The following STXBP4 variants were observed in gnomAD, a reference collection of about 807,000 sequenced individuals.
The protein encoded by STXBP4 is syntaxin binding protein 4.
A neutral mutation model predicts 76.1 loss-of-function variants in STXBP4; 55 were observed. The ratio of observed to expected loss-of-function variants is 0.72; its 90% CI spans 0.58 to 0.91. The LOEUF (loss-of-function observed/expected upper bound fraction) is 0.91, where lower values mean the gene tolerates loss of function less well. STXBP4 is among the 40% of genes least tolerant of loss of function. STXBP4 has a pLI of 0.00. For missense variants in STXBP4, 618 were observed against 636.9 expected (o/e 0.97, Z 0.32); for synonymous variants, 201 against 220.2 (o/e 0.91, Z 0.77).
chr17:54,993,684 A>G (rs1288832654), intron 4 of STXBP4, among the ~76,000 whole-genome samples: 2 of 152,238 alleles, frequency 1.3e-5, no homozygotes, highest in Admixed American at 6.5e-5. Flanking sequence ...ATTTCTACAT[A>G]GTAGAATCTG....
At chr17:55,025,604 A>G (rs1193946741) in intron 8 of STXBP4, among the ~76,000 whole-genome samples, 4 of 152,264 alleles carry the variant, frequency 2.6e-5, no homozygotes, top group Non-Finnish European at 5.9e-5. Context: ...ATGATAAAAA[A>G]TACCCAATAA....
intron 1 of STXBP4, among the ~76,000 whole-genome samples, chr17:54,978,869 C>T (rs916614632): frequency 2.6e-5 from 4 of 152,042 alleles, no homozygotes; most frequent in African/African-American, 4.8e-5. Flanking sequence ...TGAAATTATT[C>T]TACACATTCT....
intron 16 of STXBP4, among the ~76,000 whole-genome samples, chr17:55,095,521 G>A (rs1260989693): frequency 6.6e-6 from 1 of 152,160 alleles, no homozygotes; most frequent in Non-Finnish European, 1.5e-5. Context: ...ACTAAAATGT[G>A]TGCAGTAACA....
chr17:55,070,289 A>G (rs985652669), intron 12 of STXBP4, among the ~76,000 whole-genome samples: 2 of 152,140 alleles, frequency 1.3e-5, no homozygotes, highest in Admixed American at 6.6e-5. Flanking sequence ...TGATGGATGT[A>G]AAACATTGAG....
At position 55,159,933 on chromosome 17, in the gene STXBP4, G is replaced by T; in HGVS notation, c.*22G>T. 1 of 1,470,398 alleles carries T rather than the reference G, an allele frequency of 6.8e-7. No individual in the cohort carries two copies. Among genetic ancestry groups the T allele is most frequent in the Non-Finnish European group, 9.5e-7 (1 of 1,049,526 alleles). The allele number at this position is 1,470,398 out of a possible 1,614,324, so 91.1% of individuals were successfully genotyped here. On this transcript the variant is annotated 3_prime_UTR_variant, in exon 18 of 18. Coordinates refer to ENST00000376352, the MANE Select transcript of STXBP4 (RefSeq NM_178509.6). ...TTGATGGTTTTCCTTAGGAAGTGGA[G>T]CTACATGGATGATGTGAGCAGAGAC...
chr17:55,158,291 A>T (rs569844968), intron 17 of STXBP4, among the ~76,000 whole-genome samples: 1 of 152,214 alleles, frequency 6.6e-6, no homozygotes. Flanking sequence ...ATGTTACTTT[A>T]TAATGTAGGA....
At chr17:55,036,579 A>G (rs1261365924) in intron 10 of STXBP4, among the ~76,000 whole-genome samples, 1 of 151,708 alleles carries the variant, frequency 6.6e-6, no homozygotes, top group Non-Finnish European at 1.5e-5. Context: ...TGTTCTAATG[A>G]CACCCTTTCT....
intron 16 of STXBP4, among the ~76,000 whole-genome samples, chr17:55,097,278 A>G (rs1466575334): frequency 6.6e-6 from 1 of 152,224 alleles, no homozygotes; most frequent in Non-Finnish European, 1.5e-5. Context: ...TAAATTATTC[A>G]ACCTCACTTT....
At chr17:54,999,507 AG>A (rs1228907179) in intron 5 of STXBP4, 56 bp downstream of exon 5, 1 of 1,501,780 alleles carries the variant, frequency 6.7e-7, no homozygotes, top group East Asian at 2.3e-5. Flanking sequence ...CCTTGAAAGC[AG>A]TAATTTAAGA....
chr17:55,114,743 T>G (rs1053136673), intron 16 of STXBP4, among the ~76,000 whole-genome samples: 2 of 151,868 alleles, frequency 1.3e-5, no homozygotes, highest in Non-Finnish European at 2.9e-5. Flanking sequence ...CTGAACATGG[T>G]CATAAAAGAT....
chr17:55,176,298 A>G (rs1228067985), downstream of STXBP4, among the ~76,000 whole-genome samples: 1 of 151,950 alleles, frequency 6.6e-6, no homozygotes, highest in African/African-American at 2.4e-5. Context: ...GGCTTTTTGG[A>G]GGAAGTTATG....
At chr17:55,050,498 GAC>G (rs1567738033) in intron 12 of STXBP4, among the ~76,000 whole-genome samples, 2 of 151,908 alleles carry the variant, frequency 1.3e-5, no homozygotes, top group South Asian at 2.1e-4. Context: ...GATGACGGAG[GAC>G]ATCCCCCAAT....
intron 16 of STXBP4, among the ~76,000 whole-genome samples, chr17:55,130,647 T>G (rs2079964315): frequency 6.6e-6 from 1 of 152,194 alleles, no homozygotes; most frequent in Middle Eastern, 3.2e-3. Context: ...ACTGAAACTT[T>G]GTACCTTTGA....
chr17:55,078,252 T>A, intron 14 of STXBP4, 58 bp downstream of exon 14: 1 of 1,089,330 alleles, frequency 9.2e-7, no homozygotes, highest in South Asian at 1.4e-5. Context: ...AACTGGCATA[T>A]AGATAAATGT....
Position 55,047,151 on chromosome 17 carries a change from A to C in STXBP4, c.1008A>C (p.Lys336Asn). Residue 336 changes from lysine (K) to asparagine (N), a missense_variant, in exon 12 of 18, where the codon AAA becomes AAC. Transcript: ENST00000376352. ...TGACAGAAGAGCTCCAGAATGTGAAACAAGTAAGTATATGTATTGTGTATA... is the reference window on the plus strand; with the variant it reads ...TGACAGAAGAGCTCCAGAATGTGAACCAAGTAAGTATATGTATTGTGTATA... ...KQLTEELQNV[K>N]QEAKAVVEET... 1 of 1,596,184 alleles carries C rather than the reference A, an allele frequency of 6.3e-7. No individual in the cohort carries two copies.
chr17:54,999,465 C>A lies in STXBP4; in HGVS notation c.287+14C>A. On this transcript the variant is annotated intron_variant, in intron 5 of 17. Coordinates refer to ENST00000376352, the MANE Select transcript of STXBP4 (RefSeq NM_178509.6). ...AGCCAAGTTGAGGTAACTATACTAT[C>A]CATGAGATAGAATGAGTCATTTAGA... The A allele has an allele frequency of 6.3e-7, 1 of 1,590,664 alleles. No homozygotes were observed. Among genetic ancestry groups the A allele is most frequent in the Non-Finnish European group, 8.6e-7 (1 of 1,164,876 alleles).
chr17:54,970,418 G>C (rs775558842), intron 1 of STXBP4, among the ~76,000 whole-genome samples: 1 of 152,198 alleles, frequency 6.6e-6, no homozygotes, highest in African/African-American at 2.4e-5. Flanking sequence ...CCTTGAGTGA[G>C]TAATTGATTA....
At chr17:55,111,494 T>C (rs1264758613) in intron 16 of STXBP4, among the ~76,000 whole-genome samples, 1 of 152,094 alleles carries the variant, frequency 6.6e-6, no homozygotes, top group Non-Finnish European at 1.5e-5. Context: ...TGGGAGGTGA[T>C]TGGATCATGA....
At chr17:55,212,489 C>T in the STXBP4 span, among the ~76,000 whole-genome samples, 77 of 152,116 alleles carry the variant, frequency 5.1e-4, no homozygotes, top group South Asian at 2.3e-3. Context: ...TGGTTATTAT[C>T]GTAATTATTG....
Sources: gnomAD v4.1 joint callset for allele counts (sites outside exome capture counted in the v4.1 genomes callset) on GRCh38, gnomAD v4.1.1 for gene constraint, MANE v1.5 for transcripts, NCBI Gene and HGNC (gene_info 2026-07-23, HGNC 2026-07-21) for gene names.